ZNF331: variants seen among roughly 807,000 people sequenced by gnomAD.
ZNF331 encodes zinc finger protein 331.
ZNF331 carries 2 observed loss-of-function variants against 7.0 expected under a neutral mutation model. The observed-to-expected ratio is 0.29, with a 90% CI of 0.12 to 0.90. The LOEUF (loss-of-function observed/expected upper bound fraction) is 0.90, where lower values mean the gene tolerates loss of function less well. Ranked by LOEUF, ZNF331 falls within the 40% of genes least tolerant of loss-of-function variation. ZNF331 has a pLI of 0.58. For synonymous variants in ZNF331, 196 were observed against 205.4 expected (o/e 0.95, Z 0.39); for missense variants, 432 against 587.7 (o/e 0.74, Z 2.74).
chr19:53,565,652 G>C (rs918276638), intron 3 of ZNF331, among the ~76,000 whole-genome samples: 1 of 151,670 alleles, frequency 6.6e-6, no homozygotes, highest in African/African-American at 2.4e-5. Context: ...TCAGCTTCCC[G>C]AGTAGCTGGG....
At chr19:53,546,162 T>TATATATATATATATATATATA (rs1568486289) in intron 2 of ZNF331, among the ~76,000 whole-genome samples, 65 of 97,926 alleles carry the variant, frequency 6.6e-4, no homozygotes, top group African/African-American at 1.9e-3. Context: ...AAAAAAAAAA[T>TATATATATATATATATATATA]TATTATTTAG....
intron 2 of ZNF331, among the ~76,000 whole-genome samples, chr19:53,543,509 C>T (rs998249532): frequency 3.9e-5 from 6 of 152,000 alleles, no homozygotes; most frequent in African/African-American, 9.7e-5. Context: ...TGATCCGATC[C>T]GCCTGCCTTG....
intron 3 of ZNF331, among the ~76,000 whole-genome samples, chr19:53,556,968 G>A (rs2089469107): frequency 7.9e-6 from 1 of 126,258 alleles, no homozygotes; most frequent in South Asian, 2.5e-4. Flanking sequence ...ACCACACCTG[G>A]CTCTTTTTTT....
At chr19:53,504,269 C>T in the ZNF331 span, 3 of 297,384 alleles carry the variant, frequency 1.0e-5, no homozygotes, top group African/African-American at 2.2e-5. Flanking sequence ...CCAAGCTTTG[C>T]TTTGCTTAGA....
intron 3 of ZNF331, among the ~76,000 whole-genome samples, chr19:53,559,377 CAT>C (rs141616113): frequency 0.1 from 15,193 of 150,952 alleles, 1,062 homozygotes; most frequent in African/African-American, 0.2. Context: ...ACACACACCC[CAT>C]ATATACACAT....
At chr19:53,507,829 T>G in the ZNF331 span, among the ~76,000 whole-genome samples, 5 of 152,148 alleles carry the variant, frequency 3.3e-5, no homozygotes, top group Non-Finnish European at 7.3e-5. Flanking sequence ...GGAAATGCCA[T>G]CTGTACTAAA....
At chr19:53,564,697 T>G (rs2090073215) in intron 3 of ZNF331, among the ~76,000 whole-genome samples, 1 of 152,246 alleles carries the variant, frequency 6.6e-6, no homozygotes, top group East Asian at 1.9e-4. Context: ...ATAACATTAT[T>G]TATATATGTG....
chr19:53,506,246 A>C, the ZNF331 span, among the ~76,000 whole-genome samples: 1 of 127,528 alleles, frequency 7.8e-6, no homozygotes, highest in Admixed American at 7.6e-5. Context: ...GAGGCAGGAG[A>C]ATGGCGTGAA....
chr19:53,546,140 G>GAAAAAAAAAAAAGAA (rs2088588813), intron 2 of ZNF331, among the ~76,000 whole-genome samples: 1 of 113,484 alleles, frequency 8.8e-6, no homozygotes, highest in Non-Finnish European at 1.9e-5. Flanking sequence ...TCCTGAGGGG[G>GAAAAAAAAAAAAGAA]AAAAAAAAAA....
At chr19:53,536,717 T>G (rs776598471), upstream of ZNF331, among the ~76,000 whole-genome samples, 1 of 152,056 alleles carries the variant, frequency 6.6e-6, no homozygotes, top group Non-Finnish European at 1.5e-5. Flanking sequence ...CTGACCAACA[T>G]AGAGAAACCC....
At chr19:53,506,515 T>A in the ZNF331 span, among the ~76,000 whole-genome samples, 1 of 149,222 alleles carries the variant, frequency 6.7e-6, no homozygotes, top group Non-Finnish European at 1.5e-5. Flanking sequence ...TCTGTCTCTC[T>A]CTCTCTCTCA....
chr19:53,506,146 C>T, the ZNF331 span, among the ~76,000 whole-genome samples: 4 of 151,230 alleles, frequency 2.6e-5, 1 homozygote, highest in South Asian at 6.3e-4. Flanking sequence ...CCATCCTGCC[C>T]AACATGGGGA....
rs530892760 is a variant in ZNF331, at chr19:53,559,819, AAC to A, written c.-74+3916_-74+3917del. On this transcript the variant is annotated intron_variant, in intron 3 of 5. Coordinates refer to ENST00000449416, the MANE Select transcript of ZNF331 (RefSeq NM_001079906.2). The stretch of plus-strand genomic sequence containing the variant: ...ACGTATATACATATATACACACCAT[AAC>A]ACACGTATATACATATATACATATA... 2.0e-4 allele frequency among the ~76,000 whole-genome samples: 30 copies of A among 151,390 alleles called. No individual in the cohort carries two copies. The East Asian group carries it at 5.2e-3, about 26-fold the overall frequency.
At chr19:53,511,101 G>A in the ZNF331 span, among the ~76,000 whole-genome samples, 3 of 152,118 alleles carry the variant, frequency 2.0e-5, no homozygotes, top group African/African-American at 4.8e-5. Context: ...GTTGGGTTGA[G>A]GGAAATCAGG....
chr19:53,503,554 C>T, the ZNF331 span: 319 of 746,912 alleles, frequency 4.3e-4, no homozygotes, highest in Non-Finnish European at 6.4e-4. Context: ...TAGCCAACAC[C>T]GTATTCCTCC....
chr19:53,518,101 G>A (rs376120345), upstream of ZNF331, among the ~76,000 whole-genome samples: 193 of 152,340 alleles, frequency 1.3e-3, no homozygotes, highest in South Asian at 0.017. Flanking sequence ...CTCGATGTAG[G>A]TGGACACCAT....
upstream of ZNF331, among the ~76,000 whole-genome samples, chr19:53,533,663 C>T (rs1167877422): frequency 6.6e-6 from 1 of 152,168 alleles, no homozygotes; most frequent in Non-Finnish European, 1.5e-5. Flanking sequence ...TATATTTACA[C>T]GATCCAATGT....
chr19:53,569,959 A>G (rs1007116183), intron 4 of ZNF331, among the ~76,000 whole-genome samples: 2 of 151,522 alleles, frequency 1.3e-5, no homozygotes, highest in Non-Finnish European at 3.0e-5. Context: ...CTTATCCTCT[A>G]AATCAGAAAC....
chr19:53,527,537 G>GATTTACTGTTAACTGT (rs1202573729), intron 2 of ZNF331, among the ~76,000 whole-genome samples: 1 of 152,092 alleles, frequency 6.6e-6, no homozygotes, highest in Admixed American at 6.5e-5. Flanking sequence ...AAGAGGTGAG[G>GATTTACTGTTAACTGT]ATTTACTGTT....
Sources: gnomAD v4.1 joint callset for allele counts (sites outside exome capture counted in the v4.1 genomes callset) on GRCh38, gnomAD v4.1.1 for gene constraint, MANE v1.5 for transcripts, NCBI Gene and HGNC (gene_info 2026-07-23, HGNC 2026-07-21) for gene names.